MARCHF10: variants seen among roughly 807,000 people sequenced by gnomAD.
MARCHF10 encodes the protein membrane associated ring-CH-type finger 10.
MARCHF10 carries 64 observed loss-of-function variants against 76.2 expected under a neutral mutation model. The observed-to-expected ratio is 0.84, with a 90% CI of 0.69 to 1.03. The LOEUF is 1.03. Ranked by LOEUF, MARCHF10 falls within the 50% of genes least tolerant of loss-of-function variation. MARCHF10 has a pLI of 0.00. For synonymous variants in MARCHF10, 340 were observed against 357.5 expected (o/e 0.95, Z 0.55); for missense variants, 875 against 958.0 (o/e 0.91, Z 1.14).
intron 6 of MARCHF10, among the ~76,000 whole-genome samples, chr17:62,732,992 C>CAAAAA (rs398041783): frequency 2.1e-4 from 14 of 66,490 alleles, no homozygotes; most frequent in Middle Eastern, 0.011. Flanking sequence ...GACTCAGTCT[C>CAAAAA]AAAAAAAAAA....
Position 62,736,169 on chromosome 17 carries a change from G to A in MARCHF10, c.1699C>T (p.Gln567Ter). The change falls in exon 6 of 11, where the codon CAG becomes TAG. Residue 567 changes from glutamine to a stop codon, truncating the protein, a stop_gained. Transcript: ENST00000311269. LOFTEE classifies it high-confidence loss of function. ...PLYTDLLLNP[Q>*]GNLSLVDSSS... ...GAATCCACTAAGGACAAATTGCCCT[G>A]TGGATTTAGTAAGAGATCTGTATAT... The A allele has an allele frequency of 1.9e-6, 3 of 1,614,216 alleles. No homozygotes were observed. The highest frequency in any genetic ancestry group is 2.5e-6 in the Non-Finnish European group (3 of 1,180,036).
At chr17:62,783,342 C>A (rs2092695529) in intron 3 of MARCHF10, among the ~76,000 whole-genome samples, 1 of 151,656 alleles carries the variant, frequency 6.6e-6, no homozygotes, top group Non-Finnish European at 1.5e-5. Flanking sequence ...AACAAAGACA[C>A]ACCGTACCAG....
intron 10 of MARCHF10, 35 bp downstream of exon 10, chr17:62,705,504 C>T: frequency 1.2e-6 from 2 of 1,614,102 alleles, no homozygotes; most frequent in Non-Finnish European, 1.7e-6. Flanking sequence ...TTAGCAAACA[C>T]CCTCAAAATG....
chr17:62,771,196 C>T (rs547808746), intron 3 of MARCHF10, among the ~76,000 whole-genome samples: 1 of 151,926 alleles, frequency 6.6e-6, no homozygotes, highest in South Asian at 2.1e-4. Context: ...GAGTCACAGA[C>T]TTTTTTTAAA....
intron 1 of MARCHF10, chr17:62,806,758 T>C (rs2093170757): frequency 6.6e-6 from 1 of 152,260 alleles, no homozygotes; most frequent in South Asian, 2.1e-4. Flanking sequence ...CAACCAAGTT[T>C]TCCTGACTGA....
At chr17:62,780,446 C>T (rs1045929499) in intron 3 of MARCHF10, among the ~76,000 whole-genome samples, 15 of 152,138 alleles carry the variant, frequency 9.9e-5, no homozygotes, top group South Asian at 8.3e-4. Context: ...CCTCTGGAGG[C>T]GCACCTTGCT....
At chr17:62,720,146 C>T (rs2090410274) in intron 8 of MARCHF10, among the ~76,000 whole-genome samples, 1 of 152,172 alleles carries the variant, frequency 6.6e-6, no homozygotes. Context: ...CTGGTAATTC[C>T]AACATCCCTG....
At position 62,717,743 on chromosome 17, in the gene MARCHF10, G is replaced by A. The variant is rs146138984; in HGVS notation, c.2214+4745C>T. Among the ~76,000 whole-genome samples the A allele has an allele frequency of 2.0e-5, 3 of 152,332 alleles. No homozygotes were observed. The East Asian group carries it at 5.8e-4, about 29-fold the overall frequency. On this transcript the variant is annotated intron_variant, in intron 8 of 10. Coordinates refer to ENST00000311269, the MANE Select transcript of MARCHF10 (RefSeq NM_152598.4). ...CTGGCCACACTGCTAGTCCCAGGAC[G>A]CCTCCTCGTTCCTTGCTGCTTTCTT...
intron 4 of MARCHF10, among the ~76,000 whole-genome samples, chr17:62,746,444 TGAGA>T (rs2091704750): frequency 7.6e-6 from 1 of 132,248 alleles, no homozygotes; most frequent in Non-Finnish European, 1.7e-5. Flanking sequence ...AGGAGGAAGG[TGAGA>T]GAGTGAGAGA....
chr17:62,737,660 T>A (rs539925428), intron 5 of MARCHF10: 1 of 279,018 alleles, frequency 3.6e-6, no homozygotes, highest in East Asian at 1.1e-4. Flanking sequence ...AAATACTGGC[T>A]TTTGTTCCAT....
At chr17:62,776,052 A>G (rs2148039387) in intron 3 of MARCHF10, among the ~76,000 whole-genome samples, 1 of 151,988 alleles carries the variant, frequency 6.6e-6, no homozygotes, top group South Asian at 2.1e-4. Context: ...CCCAACTTAG[A>G]CTCCCAAAGT....
intron 10 of MARCHF10, among the ~76,000 whole-genome samples, chr17:62,702,786 C>G (rs986305460): frequency 6.6e-6 from 1 of 152,218 alleles, no homozygotes; most frequent in Non-Finnish European, 1.5e-5. Context: ...CCCTCTCACC[C>G]TCTCAGTTCT....
At chr17:62,726,722 G>A (rs1166161335) in intron 6 of MARCHF10, among the ~76,000 whole-genome samples, 1 of 152,090 alleles carries the variant, frequency 6.6e-6, no homozygotes, top group Non-Finnish European at 1.5e-5. Flanking sequence ...AACCTCTGCC[G>A]GATTCAAGCG....
Position 62,737,245 on chromosome 17 carries a change from T to G in MARCHF10, c.623A>C (p.Gln208Pro). The change falls in exon 6 of 11, where the codon CAG becomes CCG. Residue 208 changes from glutamine (Q) to proline (P), a missense_variant. Coordinates refer to ENST00000311269, the MANE Select transcript of MARCHF10 (RefSeq NM_152598.4). ...ATCAGGGGCGTTCTCAGTCATTGGCTGTGACGATGGGACCAAGTTTCTTCT... is the reference window on the plus strand; with the variant it reads ...ATCAGGGGCGTTCTCAGTCATTGGCGGTGACGATGGGACCAAGTTTCTTCT... ...QERRNLVPSS[Q>P]PMTENAPDRA... 3 of 1,614,050 alleles carry G rather than the reference T, an allele frequency of 1.9e-6. No individual in the cohort carries two copies. Among genetic ancestry groups the G allele is most frequent in the Non-Finnish European group, 2.5e-6 (3 of 1,180,032 alleles).
chr17:62,705,162 T>C, intron 10 of MARCHF10: 1 of 1,184,454 alleles, frequency 8.4e-7, no homozygotes, highest in Non-Finnish European at 1.1e-6. Flanking sequence ...CTGCCAGGGC[T>C]TGGGGAGGGT....
chr17:62,748,359 T>G (rs573287604), intron 4 of MARCHF10, among the ~76,000 whole-genome samples: 2 of 152,112 alleles, frequency 1.3e-5, no homozygotes, highest in South Asian at 4.2e-4. Context: ...ATCACACCAC[T>G]GCACTCCAGC....
intron 3 of MARCHF10, among the ~76,000 whole-genome samples, chr17:62,787,779 G>T (rs549663690): frequency 3.3e-5 from 5 of 150,052 alleles, no homozygotes; most frequent in African/African-American, 9.9e-5. Context: ...GATAGATAAG[G>T]ATAGGTGATA....
chr17:62,794,974 T>C (rs1291718440), intron 2 of MARCHF10: 1 of 975,396 alleles, frequency 1.0e-6, no homozygotes, highest in East Asian at 1.1e-4. Flanking sequence ...CCCCTCCAGC[T>C]AGTTTTTTTT....
rs1178714236 is a variant in MARCHF10 at position 62,701,662 on chromosome 17, G to A, written c.*41C>T. The A allele has an allele frequency of 6.2e-7, 1 of 1,613,496 alleles. No homozygotes were observed. Among genetic ancestry groups the A allele is most frequent in the Non-Finnish European group, 8.5e-7 (1 of 1,179,948 alleles). ...CTTGGGGACGTAGAAAGAAGGGCTG[G>A]CGGGAGAGGTCTCCGCCGAGCTCCA... is the stretch of plus-strand genomic sequence containing the variant. On this transcript the variant is annotated 3_prime_UTR_variant, in exon 11 of 11. Coordinates refer to ENST00000311269, the MANE Select transcript of MARCHF10 (RefSeq NM_152598.4).
Sources: allele counts gnomAD v4.1 joint callset (sites outside exome capture counted in the v4.1 genomes callset), GRCh38; gene constraint gnomAD v4.1.1; transcripts MANE v1.5; gene names NCBI Gene and HGNC (gene_info 2026-07-23, HGNC 2026-07-21).